Variants in KHDRBS2 observed in about 807,000 individuals in gnomAD.
The protein encoded by KHDRBS2 is KH RNA binding domain containing, signal transduction associated 2.
KHDRBS2 carries 26 observed loss-of-function variants against 44.3 expected under a neutral mutation model. The ratio of observed to expected loss-of-function variants is 0.59; its 90% CI spans 0.43 to 0.81. KHDRBS2 has a LOEUF of 0.81. Among genes scored for constraint, KHDRBS2 ranks in the 40% least tolerant of loss-of-function variants. The probability of loss-of-function intolerance (pLI) is 0.00; values close to 1 mark genes in which losing one functional copy is unlikely to be tolerated. For missense variants in KHDRBS2, 476 were observed against 433.1 expected (o/e 1.10, Z -0.88); for synonymous variants, 194 against 151.1 (o/e 1.28, Z -2.08).
chr6:61,988,870 A>G (rs929275415), intron 3 of KHDRBS2, among the ~76,000 whole-genome samples: 19 of 152,238 alleles, frequency 1.2e-4, no homozygotes, highest in African/African-American at 4.6e-4. Flanking sequence ...TAGCAGTCAT[A>G]AAGAGGAAAA....
intron 3 of KHDRBS2, among the ~76,000 whole-genome samples, chr6:62,037,068 CT>C: frequency 6.6e-6 from 1 of 151,920 alleles, no homozygotes; most frequent in African/African-American, 2.4e-5. Flanking sequence ...ATACTCTTGC[CT>C]TACTCATATT....
rs140386679 is a variant in KHDRBS2, at chr6:61,901,146, T to TG, written c.611+97dup. The TG allele has an allele frequency of 9.7e-5, 110 of 1,134,252 alleles. No individual in the cohort carries two copies. The African/African-American group carries it at 1.5e-3, about 15-fold the overall frequency. The allele number at this position is 1,134,252 out of a possible 1,614,324, so 70.3% of individuals were successfully genotyped here. ...TTGCTGTGGTGGTAGTGATTGTGGCTGATGTTGTTGTTTACTGCTAGTGAT... is the reference window on the plus strand; with the variant it reads ...TTGCTGTGGTGGTAGTGATTGTGGCTGGATGTTGTTGTTTACTGCTAGTGAT... On this transcript the variant is annotated intron_variant, in intron 5 of 8. Coordinates refer to ENST00000281156, the MANE Select transcript of KHDRBS2 (RefSeq NM_152688.4).
chr6:61,745,154 G>A (rs1289919074), intron 6 of KHDRBS2, among the ~76,000 whole-genome samples: 13 of 152,042 alleles, frequency 8.6e-5, no homozygotes, highest in Admixed American at 7.9e-4. Context: ...AATACAACTT[G>A]GCGCTTGGTG....
chr6:61,700,470 T>C (rs1181639956), intron 7 of KHDRBS2, among the ~76,000 whole-genome samples: 2 of 150,812 alleles, frequency 1.3e-5, no homozygotes, highest in African/African-American at 4.9e-5. Flanking sequence ...AAATGATGTA[T>C]AATAATCAAA....
At chr6:61,647,053 A>G in the KHDRBS2 span, among the ~76,000 whole-genome samples, 2 of 152,062 alleles carry the variant, frequency 1.3e-5, no homozygotes, top group South Asian at 2.1e-4. Context: ...TCCTGACCTC[A>G]GGTGATCCAC....
At chr6:61,718,929 A>C (rs1771894616) in intron 7 of KHDRBS2, among the ~76,000 whole-genome samples, 1 of 152,150 alleles carries the variant, frequency 6.6e-6, no homozygotes, top group African/African-American at 2.4e-5. Context: ...TGATAACTAC[A>C]AATATTCAAA....
At chr6:61,623,191 G>A in the KHDRBS2 span, among the ~76,000 whole-genome samples, 1 of 152,112 alleles carries the variant, frequency 6.6e-6, no homozygotes, top group African/African-American at 2.4e-5. Flanking sequence ...CCCTTGCTCA[G>A]TTCCTGAATC....
the KHDRBS2 span, among the ~76,000 whole-genome samples, chr6:61,596,406 T>C: frequency 6.6e-6 from 1 of 152,188 alleles, no homozygotes; most frequent in Non-Finnish European, 1.5e-5. Flanking sequence ...TAGCTGTATT[T>C]ACCAAAGATT....
At chr6:61,852,890 A>T (rs1474053153) in intron 6 of KHDRBS2, among the ~76,000 whole-genome samples, 1 of 152,162 alleles carries the variant, frequency 6.6e-6, no homozygotes, top group Non-Finnish European at 1.5e-5. Context: ...ATCAAAAACC[A>T]CCTACATATA....
chr6:61,973,989 C>T (rs1771966022), intron 4 of KHDRBS2, among the ~76,000 whole-genome samples: 1 of 152,152 alleles, frequency 6.6e-6, no homozygotes, highest in Non-Finnish European at 1.5e-5. Context: ...AAAACTCCTC[C>T]TTTCATCTTT....
the KHDRBS2 span, among the ~76,000 whole-genome samples, chr6:61,616,470 CATATATATATAT>C: frequency 6.3e-3 from 910 of 145,024 alleles, 13 homozygotes; most frequent in African/African-American, 0.021. Flanking sequence ...AAAGAATATA[CATATATATATAT>C]ATATATATAT....
chr6:61,668,886 GT>G, the KHDRBS2 span, among the ~76,000 whole-genome samples: 1 of 150,950 alleles, frequency 6.6e-6, no homozygotes, highest in African/African-American at 2.4e-5. Flanking sequence ...TATTTTTGCA[GT>G]CACACAGACT....
At chr6:61,560,409 C>T in the KHDRBS2 span, among the ~76,000 whole-genome samples, 32,194 of 151,972 alleles carry the variant, frequency 0.21, 3,681 homozygotes, top group East Asian at 0.29. Context: ...CCCCTATCTC[C>T]CTACCTTCTC....
chr6:61,726,810 T>A (rs1378911623), intron 7 of KHDRBS2, among the ~76,000 whole-genome samples: 6 of 152,132 alleles, frequency 3.9e-5, no homozygotes. Flanking sequence ...TGCTTATGGA[T>A]AGGAAGAATC....
chr6:62,090,054 TA>T (rs1183624743), intron 2 of KHDRBS2, among the ~76,000 whole-genome samples: 1 of 152,090 alleles, frequency 6.6e-6, no homozygotes, highest in Admixed American at 6.6e-5. Flanking sequence ...AAAGCATTAG[TA>T]AATGTGTGGA....
chr6:62,096,497 A>G (rs1248330055), intron 2 of KHDRBS2, among the ~76,000 whole-genome samples: 1 of 151,674 alleles, frequency 6.6e-6, no homozygotes, highest in African/African-American at 2.4e-5. Flanking sequence ...AGCTTTTCCA[A>G]TATGTGGGGG....
At chr6:61,984,489 A>G (rs900203025) in intron 3 of KHDRBS2, among the ~76,000 whole-genome samples, 1 of 152,204 alleles carries the variant, frequency 6.6e-6, no homozygotes, top group African/African-American at 2.4e-5. Context: ...CTGAACATCC[A>G]TAATCTTACT....
chr6:62,273,397 G>A (rs1585554239), intron 1 of KHDRBS2, among the ~76,000 whole-genome samples: 1 of 151,968 alleles, frequency 6.6e-6, no homozygotes, highest in Admixed American at 6.6e-5. Flanking sequence ...ATCCATTAGA[G>A]GCCCTTAATC....
intron 1 of KHDRBS2, among the ~76,000 whole-genome samples, chr6:62,275,008 TACACACACACAC>T (rs145870587): frequency 7.7e-5 from 11 of 142,470 alleles, no homozygotes; most frequent in South Asian, 2.3e-4. Context: ...GCTCATCAAA[TACACACACACAC>T]ACACACACAC....
Sources: gnomAD v4.1 joint callset for allele counts (sites outside exome capture counted in the v4.1 genomes callset) on GRCh38, gnomAD v4.1.1 for gene constraint, MANE v1.5 for transcripts, NCBI Gene and HGNC (gene_info 2026-07-23, HGNC 2026-07-21) for gene names.